DGUOK: variants seen among roughly 807,000 people sequenced by gnomAD.
DGUOK encodes deoxyguanosine kinase, mitochondrial.
DGUOK carries 30 observed loss-of-function variants against 36.6 expected under a neutral mutation model. The observed-to-expected ratio is 0.82, with a 90% CI of 0.61 to 1.11. DGUOK has a LOEUF of 1.11. Ranked by LOEUF, DGUOK falls within the 50% of genes most tolerant of loss-of-function variation. The pLI, the probability that DGUOK is intolerant of heterozygous loss-of-function variation, is 0.00. For missense variants in DGUOK, 361 were observed against 336.4 expected, an observed-to-expected ratio of 1.07 and a Z score of -0.57; for synonymous variants, 145 against 126.3, an observed-to-expected ratio of 1.15 and a Z score of -0.99.
At chr2:73,932,166 G>T (rs1252017317) in intron 1 of DGUOK, among the ~76,000 whole-genome samples, 1 of 152,124 alleles carries the variant, frequency 6.6e-6, no homozygotes, top group Non-Finnish European at 1.5e-5. Flanking sequence ...GTGAAGCCTT[G>T]GAAGTAAATG....
At position 73,958,237 on chromosome 2, in the gene DGUOK, A is replaced by T; in HGVS notation, c.799A>T (p.Met267Leu). ...SEEVTKQEDL[M>L]REVNTFVKNL ...GGAAGTAACCAAACAAGAAGACCTC[A>T]TGAGAGAGGTGGGAAGGACTTTAAC... The change falls in exon 6 of 7, where the codon ATG becomes TTG. Residue 267 changes from methionine to leucine, a missense_variant. Coordinates refer to ENST00000264093, the MANE Select transcript of DGUOK (RefSeq NM_080916.3). The T allele has an allele frequency of 6.2e-7, 1 of 1,611,852 alleles. No individual in the cohort carries two copies. The highest frequency in any genetic ancestry group is 1.7e-5 in the Admixed American group (1 of 60,014).
intron 1 of DGUOK, among the ~76,000 whole-genome samples, chr2:73,938,164 AC>A (rs1681615195): frequency 1.3e-5 from 2 of 151,912 alleles, no homozygotes. Context: ...AGGGCCTCAA[AC>A]TTCTGTATTG....
chr2:73,952,123 C>G (rs1396031144), intron 4 of DGUOK, among the ~76,000 whole-genome samples: 1 of 152,156 alleles, frequency 6.6e-6, no homozygotes, highest in Non-Finnish European at 1.5e-5. Flanking sequence ...GAGCTGTGAT[C>G]GTGCCACTAT....
At chr2:73,956,000 T>C (rs1683058371) in intron 4 of DGUOK, among the ~76,000 whole-genome samples, 1 of 152,108 alleles carries the variant, frequency 6.6e-6, no homozygotes, top group African/African-American at 2.4e-5. Context: ...AAACAAACAT[T>C]TGGAGCAAAA....
chr2:73,950,616 GGT>G lies in DGUOK; in HGVS notation c.476_477del (p.Gly159ValfsTer4), dbSNP rs1682638359. The G allele has an allele frequency of 6.2e-7, 1 of 1,613,978 alleles. No homozygotes were observed. Among genetic ancestry groups the G allele is most frequent in the African/African-American group, 1.3e-5 (1 of 74,896 alleles). ...YIFAKNLFEN[G>X]SLSDIEWHIY... ...CTTTGCAAAGAATCTTTTTGAAAATGGTTCCCTCAGTGACATCGAGTGGCATA... is the reference window on the plus strand; with the variant it reads ...CTTTGCAAAGAATCTTTTTGAAAATGTCCCTCAGTGACATCGAGTGGCATA... On this transcript the variant is annotated frameshift_variant, in exon 4 of 7. Coordinates refer to ENST00000264093, the MANE Select transcript of DGUOK (RefSeq NM_080916.3). LOFTEE classifies it high-confidence loss of function.
At chr2:73,951,984 T>TA (rs552882586) in intron 4 of DGUOK, among the ~76,000 whole-genome samples, 1 of 152,112 alleles carries the variant, frequency 6.6e-6, no homozygotes, top group Admixed American at 6.6e-5. Context: ...GCATAGGCGA[T>TA]ATAGTGCGAC....
chr2:73,951,025 A>C (rs1358505374), intron 4 of DGUOK, among the ~76,000 whole-genome samples: 2 of 152,090 alleles, frequency 1.3e-5, no homozygotes, highest in East Asian at 3.9e-4. Context: ...TGCAGGTGGG[A>C]CGCTCTGACC....
rs1682827823 is a variant in DGUOK at position 73,953,279 on chromosome 2, T to A, written c.591+2547T>A. Among the ~76,000 whole-genome samples the A allele has an allele frequency of 3.6e-5, 3 of 84,430 alleles. No homozygotes were observed. In the East Asian group the frequency reaches 8.5e-4, roughly 24 times the overall value. The allele number at this position is 84,430 out of a possible 152,430, so 55.4% of individuals were successfully genotyped here. On this transcript the variant is annotated intron_variant, in intron 4 of 6. Transcript: ENST00000264093. ...CAAATGGTGATGATGATGATGATGA[T>A]CATCATCATCATCGTCGTCGTCGTC...
chr2:73,926,947 G>T lies in DGUOK; in HGVS notation c.37G>T (p.Ala13Ser). 6.2e-7 allele frequency: 1 copy of T among 1,613,382 alleles called. No homozygotes were observed. Among genetic ancestry groups the T allele is most frequent in the Non-Finnish European group, 8.5e-7 (1 of 1,180,048 alleles). ...AGRLFLSRLR[A>S]PFSSMAKSPL... Reference sequence around the variant, plus strand: ...CCGCCTCTTTCTAAGTCGGCTTCGAGCACCCTTCAGTTCCATGGCCAAGAG... The same window carrying T: ...CCGCCTCTTTCTAAGTCGGCTTCGATCACCCTTCAGTTCCATGGCCAAGAG... Residue 13 changes from alanine to serine, a missense_variant, in exon 1 of 7, where the codon GCA becomes TCA. Ala to Ser is a moderately conservative substitution (Grantham distance 99). Transcript: ENST00000264093.
intron 1 of DGUOK, 61 bp downstream of exon 1, chr2:73,927,113 G>A (rs1680655576): frequency 2.5e-6 from 4 of 1,598,520 alleles, no homozygotes; most frequent in Non-Finnish European, 3.4e-6. Flanking sequence ...CAGAGGCTGG[G>A]AAAGGAGCTG....
intron 1 of DGUOK, among the ~76,000 whole-genome samples, chr2:73,936,414 C>T (rs1443152851): frequency 4.6e-5 from 7 of 152,196 alleles, no homozygotes; most frequent in Admixed American, 3.9e-4. Context: ...TGAAGAAGCA[C>T]ACACAAGTTA....
chr2:73,950,453 A>G (rs1215763383), intron 3 of DGUOK, 132 bp from the exon 4 acceptor site: 13 of 921,930 alleles, frequency 1.4e-5, no homozygotes, highest in Admixed American at 5.4e-5. Flanking sequence ...ATGAGGAGCT[A>G]GAAAGGTTAA....
At chr2:73,951,400 T>C (rs575714965) in intron 4 of DGUOK, among the ~76,000 whole-genome samples, 2 of 152,116 alleles carry the variant, frequency 1.3e-5, no homozygotes, top group East Asian at 3.9e-4. Flanking sequence ...AATCCACTGG[T>C]TCAATCTAGA....
intron 1 of DGUOK, among the ~76,000 whole-genome samples, chr2:73,930,566 A>G (rs1301952900): frequency 1.3e-5 from 2 of 152,200 alleles, no homozygotes; most frequent in Admixed American, 6.5e-5. Context: ...GTCATCAGAT[A>G]AGGTTTGAAC....
chr2:73,928,113 G>T (rs1680744265), intron 1 of DGUOK, among the ~76,000 whole-genome samples: 1 of 152,048 alleles, frequency 6.6e-6, no homozygotes, highest in East Asian at 1.9e-4. Flanking sequence ...TAGGGATGAA[G>T]AATTGAGGGA....
intron 2 of DGUOK, among the ~76,000 whole-genome samples, chr2:73,941,713 A>G (rs1681915296): frequency 6.6e-6 from 1 of 152,100 alleles, no homozygotes; most frequent in Non-Finnish European, 1.5e-5. Flanking sequence ...GCAATGATGA[A>G]TATCATTGTA....
At chr2:73,934,472 G>T (rs1158479608) in intron 1 of DGUOK, among the ~76,000 whole-genome samples, 2 of 152,148 alleles carry the variant, frequency 1.3e-5, no homozygotes, top group East Asian at 1.9e-4. Flanking sequence ...TGAAAGACAG[G>T]CCGGGCGATG....
At chr2:73,949,389 G>A (rs1682553026) in intron 3 of DGUOK, among the ~76,000 whole-genome samples, 1 of 152,202 alleles carries the variant, frequency 6.6e-6, no homozygotes, top group Non-Finnish European at 1.5e-5. Context: ...AAGTTTACTT[G>A]TGGAGTTTCT....
At chr2:73,953,942 C>T (rs563134205) in intron 4 of DGUOK, among the ~76,000 whole-genome samples, 26 of 151,988 alleles carry the variant, frequency 1.7e-4, no homozygotes, top group Non-Finnish European at 3.4e-4. Context: ...AGGATGGTCT[C>T]GATCTCCTGA....
Sources: allele counts gnomAD v4.1 joint callset (sites outside exome capture counted in the v4.1 genomes callset), GRCh38; gene constraint gnomAD v4.1.1; transcripts MANE v1.5; gene names NCBI Gene and HGNC (gene_info 2026-07-23, HGNC 2026-07-21).